Variants in ZDHHC14 observed in about 807,000 individuals in gnomAD.
The protein encoded by ZDHHC14 is palmitoyltransferase ZDHHC14.
A neutral mutation model predicts 47.7 loss-of-function variants in ZDHHC14; 16 were observed. That is an observed-to-expected ratio of 0.34 (90% CI 0.23 to 0.51). The LOEUF (loss-of-function observed/expected upper bound fraction) is 0.51. Ranked by LOEUF, ZDHHC14 falls within the 20% of genes least tolerant of loss-of-function variation. The pLI is 0.97. For missense variants in ZDHHC14, 515 were observed against 662.5 expected (o/e 0.78, Z 2.44); for synonymous variants, 293 against 278.9 (o/e 1.05, Z -0.50).
Position 157,676,658 on chromosome 6 carries a change from G to C in ZDHHC14, c.*3536G>C, listed in dbSNP as rs919359436. ...AGGTGTCCTTGACACAGGGGCTTCT[G>C]ATGGCATCGCCCAGAAAATGCTGGA... On this transcript the variant is annotated 3_prime_UTR_variant, in exon 9 of 9. Transcript: ENST00000359775. The C allele has an allele frequency of 1.3e-5, 2 of 152,258 alleles. No individual in the cohort carries two copies. Among genetic ancestry groups the C allele is most frequent in the Admixed American group, 6.5e-5 (1 of 15,292 alleles). The allele number at this position is 152,258 out of a possible 1,614,324, so 9.4% of individuals were successfully genotyped here. A position where few individuals can be genotyped will look rare whatever the true frequency, so the allele number is the denominator to read the frequency against.
At chr6:157,458,014 A>G (rs561397162) in intron 1 of ZDHHC14, among the ~76,000 whole-genome samples, 8 of 152,374 alleles carry the variant, frequency 5.3e-5, no homozygotes, top group African/African-American at 1.7e-4. Context: ...TTTGCAGGAA[A>G]GATAAATAAA....
chr6:157,595,735 C>T (rs145314022), intron 3 of ZDHHC14, among the ~76,000 whole-genome samples: 2,252 of 152,194 alleles, frequency 0.015, 50 homozygotes, highest in African/African-American at 0.051. Context: ...TGAGTGTTTC[C>T]AGTATGATCC....
At chr6:157,458,326 G>A (rs930012718) in intron 1 of ZDHHC14, among the ~76,000 whole-genome samples, 1 of 152,142 alleles carries the variant, frequency 6.6e-6, no homozygotes, top group Non-Finnish European at 1.5e-5. Context: ...AGAGAGTGTT[G>A]CAGTTCGTTA....
chr6:157,533,074 A>G (rs1478047077), intron 1 of ZDHHC14, among the ~76,000 whole-genome samples: 1 of 152,180 alleles, frequency 6.6e-6, no homozygotes, highest in Non-Finnish European at 1.5e-5. Context: ...TCTAGTTACA[A>G]ATATAGATGT....
In ZDHHC14 at chr6:157,578,397, T is replaced by A. The variant is rs191583921; in HGVS notation, c.407-14591T>A. On this transcript the variant is annotated intron_variant, in intron 2 of 8. Transcript: ENST00000359775. ...GTGTAAGGAAGGGGCCCAGTTTCAA[T>A]CTTCTGTCTATGACTAGCCAGTTAG... 8.3e-4 allele frequency among the ~76,000 whole-genome samples: 126 copies of A among 152,338 alleles called. 2 individuals are homozygous for A. Among genetic ancestry groups the A allele is most frequent in the Non-Finnish European group, 1.8e-4 (12 of 68,032 alleles).
chr6:157,589,185 G>C (rs898245289), intron 2 of ZDHHC14, among the ~76,000 whole-genome samples: 1 of 151,966 alleles, frequency 6.6e-6, no homozygotes, highest in Non-Finnish European at 1.5e-5. Flanking sequence ...GGAGGAAGAG[G>C]GTGCAAGGGG....
chr6:157,603,479 T>C (rs145513550), intron 3 of ZDHHC14, among the ~76,000 whole-genome samples: 2,029 of 152,226 alleles, frequency 0.013, 58 homozygotes, highest in African/African-American at 0.047. Context: ...TTGACTCAGC[T>C]GCTGGAGCAC....
intron 1 of ZDHHC14, among the ~76,000 whole-genome samples, chr6:157,430,224 G>T (rs1778310263): frequency 6.7e-6 from 1 of 150,104 alleles, no homozygotes; most frequent in South Asian, 2.1e-4. Flanking sequence ...GCTGAGGCAG[G>T]AGAATTGCTC....
At chr6:157,448,394 A>AT (rs936644516) in intron 1 of ZDHHC14, among the ~76,000 whole-genome samples, 1 of 152,194 alleles carries the variant, frequency 6.6e-6, no homozygotes, top group African/African-American at 2.4e-5. Context: ...TCTAGGTTGA[A>AT]TTCAGCAGCT....
At chr6:157,565,639 A>G (rs1227418906) in intron 2 of ZDHHC14, among the ~76,000 whole-genome samples, 1 of 152,042 alleles carries the variant, frequency 6.6e-6, no homozygotes, top group African/African-American at 2.4e-5. Context: ...GCCAACATGG[A>G]GAAACCGTGT....
chr6:157,457,759 G>A (rs1778962179), intron 1 of ZDHHC14, among the ~76,000 whole-genome samples: 1 of 152,152 alleles, frequency 6.6e-6, no homozygotes, highest in African/African-American at 2.4e-5. Context: ...TGGTTTTACT[G>A]TTTCTGAGTG....
chr6:157,658,166 A>G (rs532604799), intron 8 of ZDHHC14, among the ~76,000 whole-genome samples: 2 of 152,264 alleles, frequency 1.3e-5, no homozygotes, highest in Non-Finnish European at 2.9e-5. Flanking sequence ...AATAATAGAG[A>G]TGACTGGCAT....
chr6:157,504,889 C>T (rs569904857), intron 1 of ZDHHC14, among the ~76,000 whole-genome samples: 7 of 152,100 alleles, frequency 4.6e-5, no homozygotes, highest in Non-Finnish European at 1.0e-4. Context: ...CGGCTCACCA[C>T]AACCTTTGCC....
In ZDHHC14 at chr6:157,669,387, T is replaced by G. The variant is rs77648900; in HGVS notation, c.1069-3337T>G. Among the ~76,000 whole-genome samples, 256 of 151,518 alleles carry G rather than the reference T, an allele frequency of 1.7e-3. 3 individuals carry two copies. The highest frequency in any genetic ancestry group is 0.015 in the South Asian group (72 of 4,776). Reference sequence around the variant, plus strand: ...GCCCACCTCTCCCCAGAGAGGAAAGTTGAAAGAAACAGAGGGTTGAGGCGA... The same window carrying G: ...GCCCACCTCTCCCCAGAGAGGAAAGGTGAAAGAAACAGAGGGTTGAGGCGA... On this transcript the variant is annotated intron_variant, in intron 8 of 8. Transcript: ENST00000359775.
intron 1 of ZDHHC14, among the ~76,000 whole-genome samples, chr6:157,535,303 C>T (rs1182465374): frequency 1.3e-5 from 2 of 152,154 alleles, no homozygotes; most frequent in Non-Finnish European, 2.9e-5. Context: ...CTGCATCTAG[C>T]CAGAAGTCCT....
At chr6:157,439,403 A>T (rs1005259956) in intron 1 of ZDHHC14, among the ~76,000 whole-genome samples, 21 of 152,196 alleles carry the variant, frequency 1.4e-4, no homozygotes, top group African/African-American at 4.6e-4. Flanking sequence ...CAAACATATT[A>T]AAAAAAGCTC....
intron 8 of ZDHHC14, among the ~76,000 whole-genome samples, chr6:157,661,347 T>C (rs897203658): frequency 6.6e-6 from 1 of 152,216 alleles, no homozygotes; most frequent in Non-Finnish European, 1.5e-5. Flanking sequence ...TAAGACTTAC[T>C]CATGTTTGTC....
At chr6:157,642,104 A>G (rs1583061467) in intron 5 of ZDHHC14, among the ~76,000 whole-genome samples, 1 of 152,352 alleles carries the variant, frequency 6.6e-6, no homozygotes, top group East Asian at 1.9e-4. Flanking sequence ...AAAAAATTTT[A>G]AAACACAAGA....
intron 2 of ZDHHC14, among the ~76,000 whole-genome samples, chr6:157,573,275 C>CA (rs978908443): frequency 1.3e-5 from 2 of 152,208 alleles, no homozygotes; most frequent in African/African-American, 4.8e-5. Context: ...CCAACCCTTG[C>CA]ACCGGGTGCA....
Sources: gnomAD v4.1 joint callset for allele counts (sites outside exome capture counted in the v4.1 genomes callset) on GRCh38, gnomAD v4.1.1 for gene constraint, MANE v1.5 for transcripts, NCBI Gene and HGNC (gene_info 2026-07-23, HGNC 2026-07-21) for gene names.